The following NRG3 variants were observed in gnomAD, a reference collection of about 807,000 sequenced individuals.
The protein encoded by NRG3 is neuregulin 3, also known as pro-neuregulin-3, membrane-bound isoform.
In NRG3, 31 loss-of-function variants were observed where a neutral mutation model predicts 66.9. The ratio of observed to expected loss-of-function variants is 0.46; its 90% CI spans 0.35 to 0.63. The LOEUF (loss-of-function observed/expected upper bound fraction) is 0.63. Ranked by LOEUF, NRG3 falls within the 20% of genes least tolerant of loss-of-function variation. The pLI is 0.00. For synonymous variants in NRG3, 393 were observed against 359.4 expected (o/e 1.09, Z -1.06); for missense variants, 910 against 878.9 (o/e 1.04, Z -0.45).
At chr10:82,056,223 G>A (rs34269342) in intron 1 of NRG3, among the ~76,000 whole-genome samples, 27,322 of 152,100 alleles carry the variant, frequency 0.18, 2,879 homozygotes, top group Middle Eastern at 0.29. Context: ...TAATACTTGA[G>A]CAAGAGAATT....
At chr10:82,755,993 C>A (rs1193812994) in intron 3 of NRG3, among the ~76,000 whole-genome samples, 2 of 152,094 alleles carry the variant, frequency 1.3e-5, no homozygotes, top group Non-Finnish European at 2.9e-5. Flanking sequence ...TTGCACCTAG[C>A]ATCTTCCTGA....
At chr10:82,776,363 T>C (rs1165220912) in intron 3 of NRG3, among the ~76,000 whole-genome samples, 1 of 152,192 alleles carries the variant, frequency 6.6e-6, no homozygotes, top group African/African-American at 2.4e-5. Context: ...TTTCTCTTTG[T>C]CTTTGACTTT....
Position 82,576,298 on chromosome 10 carries a change from C to G in NRG3, c.954-162279C>G, listed in dbSNP as rs182829265. Among the ~76,000 whole-genome samples, 338 of 151,620 alleles carry G rather than the reference C, an allele frequency of 2.2e-3. 2 individuals are homozygous for G. The highest frequency in any genetic ancestry group is 7.7e-3 in the African/African-American group (319 of 41,434). On this transcript the variant is annotated intron_variant, in intron 2 of 8. Coordinates refer to ENST00000372141, the MANE Select transcript of NRG3 (RefSeq NM_001010848.4). ...ACACCTTATCTTTTTGCTTACTGGG[C>G]ATTTCTGTACATACTTTTCCCCCAT...
intron 1 of NRG3, among the ~76,000 whole-genome samples, chr10:82,176,646 C>T (rs1380094459): frequency 6.6e-6 from 1 of 152,038 alleles, no homozygotes; most frequent in Non-Finnish European, 1.5e-5. Flanking sequence ...TTGCCTGTAC[C>T]TTCTGCACTC....
chr10:82,167,014 G>C (rs2072128584), intron 1 of NRG3, among the ~76,000 whole-genome samples: 1 of 151,292 alleles, frequency 6.6e-6, no homozygotes, highest in East Asian at 1.9e-4. Context: ...TTTTCTCTCT[G>C]CCTGTTTGTA....
chr10:82,557,980 G>T (rs111328234), intron 2 of NRG3, among the ~76,000 whole-genome samples: 1,757 of 152,280 alleles, frequency 0.012, 30 homozygotes, highest in African/African-American at 0.04. Flanking sequence ...AAAGATGAAA[G>T]AGAGGTTTGG....
intron 2 of NRG3, among the ~76,000 whole-genome samples, chr10:82,664,776 A>T (rs1293705687): frequency 6.6e-6 from 1 of 151,940 alleles, no homozygotes; most frequent in African/African-American, 2.4e-5. Context: ...TTCCCACAGC[A>T]TGCACTCCCA....
At chr10:81,878,707 A>T (rs1407013523) in intron 1 of NRG3, among the ~76,000 whole-genome samples, 1 of 152,014 alleles carries the variant, frequency 6.6e-6, no homozygotes, top group East Asian at 1.9e-4. Flanking sequence ...TTTTTTTTAA[A>T]TGAAAGTAAT....
At chr10:82,899,761 T>C (rs2131867187) in intron 4 of NRG3, among the ~76,000 whole-genome samples, 2 of 152,274 alleles carry the variant, frequency 1.3e-5, no homozygotes, top group South Asian at 4.1e-4. Context: ...AAAGTACCCT[T>C]AAAAATTTAA....
chr10:82,410,317 C>T, intron 2 of NRG3, among the ~76,000 whole-genome samples: 1 of 151,730 alleles, frequency 6.6e-6, no homozygotes, highest in East Asian at 1.9e-4. Flanking sequence ...GGGACCATTT[C>T]TTAATGAAGG....
intron 2 of NRG3, among the ~76,000 whole-genome samples, chr10:82,497,486 C>T (rs1473566496): frequency 2.6e-5 from 4 of 151,992 alleles, no homozygotes; most frequent in Non-Finnish European, 5.9e-5. Flanking sequence ...CTGTGTTTGG[C>T]TTATTTCACT....
chr10:81,928,666 A>C (rs545496374), intron 1 of NRG3, among the ~76,000 whole-genome samples: 60 of 152,310 alleles, frequency 3.9e-4, no homozygotes, highest in African/African-American at 1.4e-3. Flanking sequence ...AAAATGTATA[A>C]ATATCCTAAA....
At chr10:82,030,063 C>T (rs1173244647) in intron 1 of NRG3, among the ~76,000 whole-genome samples, 1 of 152,090 alleles carries the variant, frequency 6.6e-6, no homozygotes, top group Non-Finnish European at 1.5e-5. Context: ...TTTACAGTTA[C>T]ATTAATTGCT....
rs1853466438 is a variant in NRG3, at chr10:82,986,845, A to T, written c.*1240A>T. 6.6e-6 allele frequency: 1 copy of T among 152,222 alleles called. No individual in the cohort carries two copies. Among genetic ancestry groups the T allele is most frequent in the African/African-American group, 2.4e-5 (1 of 41,464 alleles). The allele number at this position is 152,222 out of a possible 1,614,324, so 9.4% of individuals were successfully genotyped here. A position where few individuals can be genotyped will look rare whatever the true frequency, so the allele number is the denominator to read the frequency against. On this transcript the variant is annotated 3_prime_UTR_variant, in exon 9 of 9. Transcript: ENST00000372141. Reference sequence around the variant, plus strand: ...CCTCATTACCATTTATTTTATAGCAAGTCTGCTATGTGTGGACCAAGGCTT... The same window carrying T: ...CCTCATTACCATTTATTTTATAGCATGTCTGCTATGTGTGGACCAAGGCTT...
intron 3 of NRG3, among the ~76,000 whole-genome samples, chr10:82,756,866 C>G (rs1457802974): frequency 6.6e-6 from 1 of 151,090 alleles, no homozygotes; most frequent in Non-Finnish European, 1.5e-5. Flanking sequence ...ATTTCATTGA[C>G]TCTTCTGAAC....
intron 4 of NRG3, among the ~76,000 whole-genome samples, chr10:82,925,282 A>G (rs1233777923): frequency 3.3e-5 from 5 of 152,332 alleles, no homozygotes; most frequent in African/African-American, 9.6e-5. Context: ...CTATGCAACA[A>G]TGACATGTGG....
At chr10:82,869,712 A>G (rs1001492800) in intron 4 of NRG3, among the ~76,000 whole-genome samples, 3 of 151,706 alleles carry the variant, frequency 2.0e-5, no homozygotes, top group Non-Finnish European at 4.4e-5. Context: ...GGTTCACGCC[A>G]TTCTCCTGCC....
chr10:82,917,928 A>T (rs1469954134), intron 4 of NRG3, among the ~76,000 whole-genome samples: 1 of 148,918 alleles, frequency 6.7e-6, no homozygotes, highest in Non-Finnish European at 1.5e-5. Context: ...ATATATACAC[A>T]CACCCCTGTG....
chr10:82,875,099 A>G (rs1449028430), intron 4 of NRG3, among the ~76,000 whole-genome samples: 4 of 152,216 alleles, frequency 2.6e-5, no homozygotes, highest in Non-Finnish European at 4.4e-5. Flanking sequence ...GGTAATCTAC[A>G]GAAGTTGTAT....
Sources: gnomAD v4.1 joint callset for allele counts (sites outside exome capture counted in the v4.1 genomes callset) on GRCh38, gnomAD v4.1.1 for gene constraint, MANE v1.5 for transcripts, NCBI Gene and HGNC (gene_info 2026-07-23, HGNC 2026-07-21) for gene names.